Variants in HPSE2 observed in about 807,000 individuals in gnomAD.
The protein encoded by HPSE2 is inactive heparanase-2.
A neutral mutation model predicts 60.5 loss-of-function variants in HPSE2; 38 were observed. The ratio of observed to expected loss-of-function variants is 0.63; its 90% CI spans 0.48 to 0.82. The LOEUF is 0.82. HPSE2 is among the 40% of genes least tolerant of loss of function. HPSE2 has a pLI of 0.00. For synonymous variants in HPSE2, 295 were observed against 293.2 expected (o/e 1.01, Z -0.06); for missense variants, 713 against 740.4 (o/e 0.96, Z 0.43).
chr10:98,984,242 C>G (rs573831530), intron 3 of HPSE2, among the ~76,000 whole-genome samples: 1 of 152,208 alleles, frequency 6.6e-6, no homozygotes, highest in South Asian at 2.1e-4. Context: ...AGGCACCCCC[C>G]AGTAGGGGCA....
At chr10:98,718,694 C>A (rs946193404) in intron 5 of HPSE2, among the ~76,000 whole-genome samples, 1 of 151,996 alleles carries the variant, frequency 6.6e-6, no homozygotes, top group Non-Finnish European at 1.5e-5. Flanking sequence ...CACAAAAAGA[C>A]AAATATTGTA....
At chr10:98,892,743 CTGAA>C (rs1217915623) in intron 3 of HPSE2, among the ~76,000 whole-genome samples, 4 of 152,160 alleles carry the variant, frequency 2.6e-5, no homozygotes, top group African/African-American at 9.7e-5. Flanking sequence ...CTCACTTCCC[CTGAA>C]TGATTTTAAT....
intron 9 of HPSE2, among the ~76,000 whole-genome samples, chr10:98,610,742 T>C (rs1475067563): frequency 2.6e-5 from 4 of 152,198 alleles, no homozygotes; most frequent in African/African-American, 4.8e-5. Flanking sequence ...GTTCCATAGA[T>C]GAATTTATGT....
At chr10:98,868,060 C>CA (rs1171102799) in intron 3 of HPSE2, among the ~76,000 whole-genome samples, 6 of 133,744 alleles carry the variant, frequency 4.5e-5, no homozygotes, top group African/African-American at 8.5e-5. Context: ...TCCATCTCCA[C>CA]AAAAAAAAGA....
Position 98,458,334 on chromosome 10 carries a change from T to C in HPSE2, c.*1240A>G, listed in dbSNP as rs888288726. ...AGAAAGTCATTTCAGCTGTAGCTCA[T>C]TGGCAAAGACCCTCATGCCCCTTGA... On this transcript the variant is annotated 3_prime_UTR_variant, in exon 12 of 12. Transcript: ENST00000370552. 2 of 152,232 alleles carry C rather than the reference T, an allele frequency of 1.3e-5. No homozygotes were observed. The highest frequency in any genetic ancestry group is 2.9e-5 in the Non-Finnish European group (2 of 68,062). 9.4% of individuals were successfully genotyped at this position (152,232 alleles called of 1,614,324 possible).
chr10:98,768,503 T>A (rs1020258935), intron 3 of HPSE2, among the ~76,000 whole-genome samples: 1 of 152,228 alleles, frequency 6.6e-6, no homozygotes, highest in Non-Finnish European at 1.5e-5. Flanking sequence ...GAGCACAATT[T>A]CAGATTCTAA....
rs376316954 is a variant in HPSE2, at chr10:98,929,581, C to T, written c.611-185525G>A. 1.5e-4 allele frequency among the ~76,000 whole-genome samples: 21 copies of T among 143,746 alleles called. 4 individuals carry two copies. Among genetic ancestry groups the T allele is most frequent in the African/African-American group, 5.4e-4 (19 of 35,434 alleles). 94.3% of individuals were successfully genotyped at this position (143,746 alleles called of 152,430 possible). On this transcript the variant is annotated intron_variant, in intron 3 of 11. Coordinates refer to ENST00000370552, the MANE Select transcript of HPSE2 (RefSeq NM_021828.5). Reference sequence around the variant, plus strand: ...AAGTTATTTGCCAGAAGAATTCCAACGTTCAAAAGTTGAAAGACTATAGAT... The same window carrying T: ...AAGTTATTTGCCAGAAGAATTCCAATGTTCAAAAGTTGAAAGACTATAGAT...
At chr10:98,681,005 C>T (rs1220772841) in intron 6 of HPSE2, among the ~76,000 whole-genome samples, 1 of 151,936 alleles carries the variant, frequency 6.6e-6, no homozygotes, top group African/African-American at 2.4e-5. Context: ...CTCAAGTGAT[C>T]CACCCACCTC....
At chr10:99,259,338 G>C in the HPSE2 span, among the ~76,000 whole-genome samples, 1 of 149,568 alleles carries the variant, frequency 6.7e-6, no homozygotes, top group East Asian at 1.9e-4. Flanking sequence ...CTGTTAGGAG[G>C]CTGAAAAGAC....
chr10:98,548,034 A>T (rs1454682423), intron 9 of HPSE2, among the ~76,000 whole-genome samples: 1 of 152,204 alleles, frequency 6.6e-6, no homozygotes, highest in Non-Finnish European at 1.5e-5. Context: ...GGCATTGGAA[A>T]TACAGATATG....
At chr10:99,160,028 C>T (rs985420559) in intron 2 of HPSE2, among the ~76,000 whole-genome samples, 1 of 151,406 alleles carries the variant, frequency 6.6e-6, no homozygotes, top group East Asian at 1.9e-4. Context: ...TTAATCCCAG[C>T]GACTCGGGAG....
the HPSE2 span, among the ~76,000 whole-genome samples, chr10:99,264,622 C>T: frequency 3.3e-5 from 5 of 152,070 alleles, no homozygotes; most frequent in African/African-American, 7.2e-5. Flanking sequence ...TACATTGAAC[C>T]CCCTTGGGCA....
At chr10:98,766,324 T>C (rs1056885894) in intron 3 of HPSE2, among the ~76,000 whole-genome samples, 8 of 152,290 alleles carry the variant, frequency 5.3e-5, no homozygotes, top group African/African-American at 1.9e-4. Flanking sequence ...CATACACTAG[T>C]TGATTTCACT....
At chr10:98,919,599 T>G (rs933697397) in intron 3 of HPSE2, among the ~76,000 whole-genome samples, 2 of 152,124 alleles carry the variant, frequency 1.3e-5, no homozygotes, top group Non-Finnish European at 2.9e-5. Flanking sequence ...ATTCAAGAGA[T>G]AAAATTAACA....
At chr10:98,894,829 T>C (rs534843103) in intron 3 of HPSE2, among the ~76,000 whole-genome samples, 66 of 150,798 alleles carry the variant, frequency 4.4e-4, no homozygotes, top group Non-Finnish European at 8.9e-4. Flanking sequence ...CACCAAGACA[T>C]AGTGAAAATA....
At chr10:98,531,826 G>C (rs1462134) in intron 9 of HPSE2, among the ~76,000 whole-genome samples, 68,309 of 151,836 alleles carry the variant, frequency 0.45, 18,464 homozygotes, top group South Asian at 0.59. Flanking sequence ...CTTACCAACT[G>C]TGTGACCCTT....
At chr10:98,618,862 C>G (rs1945994848) in intron 8 of HPSE2, among the ~76,000 whole-genome samples, 1 of 152,134 alleles carries the variant, frequency 6.6e-6, no homozygotes, top group Non-Finnish European at 1.5e-5. Context: ...CAGGCGTGAG[C>G]CACGGTGCCT....
At chr10:99,132,050 T>A (rs1015249407) in intron 3 of HPSE2, among the ~76,000 whole-genome samples, 25 of 150,742 alleles carry the variant, frequency 1.7e-4, no homozygotes, top group Admixed American at 1.7e-3. Flanking sequence ...AGGCAGAGGT[T>A]GCAGAGAGCC....
intron 3 of HPSE2, among the ~76,000 whole-genome samples, chr10:99,115,291 C>T (rs951464877): frequency 2.0e-5 from 3 of 151,862 alleles, no homozygotes; most frequent in Non-Finnish European, 4.4e-5. Flanking sequence ...GTAGCTGGGA[C>T]TGCAGGCGCC....
Sources: gnomAD v4.1 joint callset for allele counts (sites outside exome capture counted in the v4.1 genomes callset) on GRCh38, gnomAD v4.1.1 for gene constraint, MANE v1.5 for transcripts, NCBI Gene and HGNC (gene_info 2026-07-23, HGNC 2026-07-21) for gene names.